The following HYCC1 variants were observed in gnomAD, a reference collection of about 807,000 sequenced individuals.
HYCC1 encodes hyccin.
the HYCC1 span, among the ~76,000 whole-genome samples, chr7:22,975,317 C>A: frequency 6.6e-6 from 1 of 152,234 alleles, no homozygotes; most frequent in Admixed American, 6.5e-5. Context: ...ATTCCACCAA[C>A]TAGAGATAAT....
the HYCC1 span, chr7:22,947,234 G>A: frequency 1.9e-5 from 29 of 1,549,300 alleles, no homozygotes; most frequent in Non-Finnish European, 2.5e-5. Context: ...CATCATTATT[G>A]TTGTCAGGTT....
chr7:22,903,770 T>A, the HYCC1 span, among the ~76,000 whole-genome samples: 1 of 152,250 alleles, frequency 6.6e-6, no homozygotes, highest in African/African-American at 2.4e-5. Context: ...CCCTCATGAG[T>A]AGTGGTTCAT....
At chr7:22,899,381 T>G in the HYCC1 span, among the ~76,000 whole-genome samples, 2 of 152,072 alleles carry the variant, frequency 1.3e-5, no homozygotes, top group South Asian at 4.2e-4. Context: ...GGAAGAAATT[T>G]CCTCCACTAC....
the HYCC1 span, among the ~76,000 whole-genome samples, chr7:22,905,525 G>A: frequency 1.0e-4 from 15 of 149,230 alleles, no homozygotes; most frequent in Admixed American, 8.1e-4. Flanking sequence ...ATGAGCCACC[G>A]ATTTGAAGGG....
chr7:22,932,504 G>T, the HYCC1 span, among the ~76,000 whole-genome samples: 1 of 152,008 alleles, frequency 6.6e-6, no homozygotes, highest in Non-Finnish European at 1.5e-5. Context: ...TCTTATGTTT[G>T]TCCCACCATT....
the HYCC1 span, among the ~76,000 whole-genome samples, chr7:22,976,045 A>G: frequency 3.3e-5 from 5 of 152,154 alleles, no homozygotes; most frequent in Admixed American, 2.0e-4. Flanking sequence ...TGTGACTATC[A>G]ATTATAGGGA....
the HYCC1 span, among the ~76,000 whole-genome samples, chr7:22,914,233 ACCCACATT>A: frequency 6.6e-6 from 1 of 152,068 alleles, no homozygotes; most frequent in African/African-American, 2.4e-5. Context: ...CTGGTCATTC[ACCCACATT>A]CCCTTGGTGG....
chr7:22,958,459 CAG>C, the HYCC1 span, among the ~76,000 whole-genome samples: 6 of 152,028 alleles, frequency 3.9e-5, no homozygotes, highest in African/African-American at 1.4e-4. Flanking sequence ...TTATAATAAA[CAG>C]AGTTTCCCAA....
At chr7:22,965,534 C>T in the HYCC1 span, among the ~76,000 whole-genome samples, 4 of 138,722 alleles carry the variant, frequency 2.9e-5, no homozygotes, top group Non-Finnish European at 6.0e-5. Flanking sequence ...CCTGCATGTT[C>T]GGTACATGTG....
the HYCC1 span, among the ~76,000 whole-genome samples, chr7:22,969,224 G>T: frequency 6.6e-6 from 1 of 151,694 alleles, no homozygotes; most frequent in Admixed American, 6.6e-5. Context: ...GCCCAGGCTG[G>T]AGTGCAGTGG....
chr7:22,993,123 AATTC>A, the HYCC1 span, among the ~76,000 whole-genome samples: 3 of 152,142 alleles, frequency 2.0e-5, no homozygotes, highest in African/African-American at 7.2e-5. Context: ...ATGACACTGA[AATTC>A]AGTGAGGAAA....
At chr7:22,944,642 T>G in the HYCC1 span, 20 of 152,148 alleles carry the variant, frequency 1.3e-4, 1 homozygote, top group Admixed American at 1.0e-3. Flanking sequence ...AGACAAACAA[T>G]TACATATTAT....
the HYCC1 span, among the ~76,000 whole-genome samples, chr7:22,924,303 T>C: frequency 6.6e-6 from 1 of 151,428 alleles, no homozygotes; most frequent in African/African-American, 2.4e-5. Flanking sequence ...AGGTAACGGG[T>C]TCATCTCACT....
At chr7:22,981,437 T>C in the HYCC1 span, among the ~76,000 whole-genome samples, 41 of 152,322 alleles carry the variant, frequency 2.7e-4, no homozygotes, top group Non-Finnish European at 4.1e-4. Context: ...AGACACAAAA[T>C]ATTCTAAACA....
the HYCC1 span, among the ~76,000 whole-genome samples, chr7:23,004,833 T>C: frequency 6.6e-6 from 1 of 152,000 alleles, no homozygotes; most frequent in East Asian, 1.9e-4. Flanking sequence ...TGAGAGGGAG[T>C]CTCACTGTGT....
the HYCC1 span, among the ~76,000 whole-genome samples, chr7:22,997,318 C>T: frequency 2.6e-5 from 4 of 152,056 alleles, no homozygotes; most frequent in African/African-American, 9.7e-5. Flanking sequence ...TCCCCTTCAC[C>T]ATTAAGCACT....
At chr7:22,993,718 A>G in the HYCC1 span, among the ~76,000 whole-genome samples, 1 of 151,968 alleles carries the variant, frequency 6.6e-6, no homozygotes, top group African/African-American at 2.4e-5. Context: ...ACACACACAC[A>G]CGTACGCATG....
At chr7:22,919,158 C>A in the HYCC1 span, among the ~76,000 whole-genome samples, 1 of 152,142 alleles carries the variant, frequency 6.6e-6, no homozygotes, top group Non-Finnish European at 1.5e-5. Context: ...GGCTAGATTT[C>A]AGATTTAATA....
chr7:22,995,650 CAT>C, the HYCC1 span, among the ~76,000 whole-genome samples: 49,951 of 151,920 alleles, frequency 0.33, 8,259 homozygotes, highest in East Asian at 0.36. Context: ...AGGCCATACT[CAT>C]ATAAATAAAT....
Sources: gnomAD v4.1 joint callset for allele counts (sites outside exome capture counted in the v4.1 genomes callset) on GRCh38, gnomAD v4.1.1 for gene constraint, MANE v1.5 for transcripts, NCBI Gene and HGNC (gene_info 2026-07-23, HGNC 2026-07-21) for gene names.